CA5B: variants seen among roughly 807,000 people sequenced by gnomAD.
CA5B encodes the protein carbonic anhydrase 5B, mitochondrial.
In CA5B, 15 loss-of-function variants were observed where a neutral mutation model predicts 23.1. The ratio of observed to expected loss-of-function variants is 0.65; its 90% CI spans 0.43 to 1.00. The LOEUF is 1.00. CA5B is among the 50% of genes least tolerant of loss of function. CA5B has a pLI of 0.00. For synonymous variants in CA5B, 84 were observed against 98.5 expected (o/e 0.85, Z 0.87); for missense variants, 236 against 252.2 (o/e 0.94, Z 0.43).
At chrX:15,776,076 C>T (rs1043222189) in intron 6 of CA5B, 93 of 707,695 alleles carry the variant, frequency 1.3e-4, no homozygotes, top group Non-Finnish European at 1.5e-4. Flanking sequence ...CAGTGGCTCA[C>T]GCCTGTAATC....
chrX:15,742,811 C>T (rs1028843361), intron 1 of CA5B, among the ~76,000 whole-genome samples: 14 of 112,532 alleles, frequency 1.2e-4, no homozygotes, highest in African/African-American at 4.5e-4. Context: ...ATTCCCCTCC[C>T]GCAGGGGACA....
chrX:15,785,992 T>G lies in CA5B; in HGVS notation c.*3328T>G, dbSNP rs941403274. Reference sequence around the variant, plus strand: ...TTCACGCCATTCTCCTGCCTCAGCCTCCTGAGTAGCTGGGACTACAGGCGC... The same window carrying G: ...TTCACGCCATTCTCCTGCCTCAGCCGCCTGAGTAGCTGGGACTACAGGCGC... On this transcript the variant is annotated 3_prime_UTR_variant, in exon 8 of 8. Transcript: ENST00000318636. The G allele has an allele frequency of 7.2e-5, 8 of 111,631 alleles. No individual in the cohort carries two copies. Among genetic ancestry groups the G allele is most frequent in the African/African-American group, 2.3e-4 (7 of 30,705 alleles). The allele number at this position is 111,631 out of a possible 1,213,427, so 9.2% of individuals were successfully genotyped here. A position where few individuals can be genotyped will look rare whatever the true frequency, so the allele number is the denominator to read the frequency against.
intron 1 of CA5B, among the ~76,000 whole-genome samples, chrX:15,746,061 GCT>G (rs1569273421): frequency 5.6e-5 from 2 of 35,523 alleles, no homozygotes; most frequent in Non-Finnish European, 8.4e-5. Context: ...ACGGAGTCTC[GCT>G]CTGTCACTCT....
chrX:15,748,931 A>G (rs966952526), intron 1 of CA5B, among the ~76,000 whole-genome samples: 4 of 111,353 alleles, frequency 3.6e-5, no homozygotes, highest in South Asian at 3.8e-4. Context: ...AGGGAAAGAA[A>G]GGAGTTGGAA....
intron 4 of CA5B, among the ~76,000 whole-genome samples, chrX:15,772,902 C>T (rs1487497003): frequency 8.9e-6 from 1 of 111,921 alleles, no homozygotes; most frequent in Non-Finnish European, 1.9e-5. Flanking sequence ...TGTGGAGCCA[C>T]AGGTTGAATT....
chrX:15,781,884 A>T (rs1369984549), intron 7 of CA5B, among the ~76,000 whole-genome samples: 6 of 107,247 alleles, frequency 5.6e-5, no homozygotes, highest in African/African-American at 1.4e-4. Flanking sequence ...ACTGCATTCT[A>T]ACCTGGGTGG....
At chrX:15,760,276 C>T (rs1023037636) in intron 2 of CA5B, among the ~76,000 whole-genome samples, 1 of 110,953 alleles carries the variant, frequency 9.0e-6, no homozygotes, top group African/African-American at 3.3e-5. Context: ...TAGGAGAGAA[C>T]AAAAGTGTCA....
intron 3 of CA5B, among the ~76,000 whole-genome samples, chrX:15,772,252 G>C (rs1481411858): frequency 1.8e-5 from 2 of 112,704 alleles, no homozygotes; most frequent in African/African-American, 6.4e-5. Flanking sequence ...ATAAAATTAA[G>C]TCAAGAGTTG....
chrX:15,760,595 A>C (rs148483906), intron 2 of CA5B, among the ~76,000 whole-genome samples: 4,073 of 111,476 alleles, frequency 0.037, 188 homozygotes, highest in African/African-American at 0.12. Context: ...AGATGGGGAA[A>C]AATTAAGGAT....
intron 2 of CA5B, among the ~76,000 whole-genome samples, chrX:15,753,184 C>T (rs1931413199): frequency 1.8e-5 from 2 of 112,322 alleles, no homozygotes; most frequent in Admixed American, 1.9e-4. Flanking sequence ...ATATTTGGCT[C>T]AGAATAAATC....
At position 15,759,788 on chromosome X, in the gene CA5B, G is replaced by A. The variant is rs140304903; in HGVS notation, c.143-4790G>A. 5.3e-5 allele frequency among the ~76,000 whole-genome samples: 4 copies of A among 75,093 alleles called. No homozygotes were observed. In the Admixed American group the frequency reaches 6.9e-4, roughly 13 times the overall value. 65.2% of individuals were successfully genotyped at this position (75,093 alleles called of 115,157 possible). A position where few individuals can be genotyped will look rare whatever the true frequency, so the allele number is the denominator to read the frequency against. ...TTTTGAGTCGGAGTCTTGACCTGTCGCCCTGGCTGGAGTGCAATGACACAA... is the reference window on the plus strand; with the variant it reads ...TTTTGAGTCGGAGTCTTGACCTGTCACCCTGGCTGGAGTGCAATGACACAA... On this transcript the variant is annotated intron_variant, in intron 2 of 7. Transcript: ENST00000318636.
Position 15,746,986 on chromosome X carries a change from A to G in CA5B, c.-53-2985A>G, listed in dbSNP as rs1569273611. On this transcript the variant is annotated intron_variant, in intron 1 of 7. Coordinates refer to ENST00000318636, the MANE Select transcript of CA5B (RefSeq NM_007220.4). ...GCACAACCCCTAAACTATAATTTCT[A>G]ACCACTAGCTAAGTTGTTAGTCCTG... 2.7e-5 allele frequency among the ~76,000 whole-genome samples: 3 copies of G among 111,670 alleles called. No individual in the cohort carries two copies. The Admixed American group carries it at 2.9e-4, about 11-fold the overall frequency.
In CA5B at chrX:15,762,749, G is replaced by T. The variant is rs141235714; in HGVS notation, c.143-1829G>T. ...GTGGTGGGGCGAGATGCAGAGGGTC[G>T]TTGGTAATTATTTCCTTCATGTTTC... On this transcript the variant is annotated intron_variant, in intron 2 of 7. Transcript: ENST00000318636. 8.0e-4 allele frequency: 272 copies of T among 340,387 alleles called. 1 individual carries two copies. In the East Asian group the frequency reaches 0.023, roughly 29 times the overall value. 28.1% of individuals were successfully genotyped at this position (340,387 alleles called of 1,213,427 possible).
intron 7 of CA5B, among the ~76,000 whole-genome samples, chrX:15,780,935 A>G (rs1053874709): frequency 9.0e-6 from 1 of 110,806 alleles, no homozygotes; most frequent in Non-Finnish European, 1.9e-5. Flanking sequence ...ATGAGGGGAA[A>G]TGTGAATGGA....
chrX:15,738,649 AG>A (rs964461036), intron 1 of CA5B, among the ~76,000 whole-genome samples: 9 of 110,155 alleles, frequency 8.2e-5, no homozygotes, highest in African/African-American at 2.6e-4. Flanking sequence ...TCCAGAGAAA[AG>A]GGGGTGGGGG....
At chrX:15,770,657 A>G (rs1257309603) in intron 3 of CA5B, among the ~76,000 whole-genome samples, 2 of 110,274 alleles carry the variant, frequency 1.8e-5, no homozygotes, top group Non-Finnish European at 3.8e-5. Flanking sequence ...TTTTCCTTTA[A>G]TCTTGCTGAG....
intron 2 of CA5B, among the ~76,000 whole-genome samples, chrX:15,758,329 C>G (rs1931534634): frequency 9.0e-6 from 1 of 110,806 alleles, no homozygotes; most frequent in South Asian, 3.8e-4. Context: ...TTGCTGCATC[C>G]TCACGTGGTG....
chrX:15,752,455 A>G (rs756091236), intron 2 of CA5B, among the ~76,000 whole-genome samples: 81 of 112,279 alleles, frequency 7.2e-4, no homozygotes, highest in Non-Finnish European at 1.3e-3. Context: ...GCCAGGCGCG[A>G]TGGCTTACGC....
chrX:15,759,788 G>T (rs140304903), intron 2 of CA5B, among the ~76,000 whole-genome samples: 1 of 75,093 alleles, frequency 1.3e-5, no homozygotes, highest in Non-Finnish European at 2.3e-5. Flanking sequence ...TTGACCTGTC[G>T]CCCTGGCTGG....
Sources: allele counts gnomAD v4.1 joint callset (sites outside exome capture counted in the v4.1 genomes callset), GRCh38; gene constraint gnomAD v4.1.1; transcripts MANE v1.5; gene names NCBI Gene and HGNC (gene_info 2026-07-23, HGNC 2026-07-21).